Variants in SPECC1 observed in about 807,000 individuals in gnomAD.
The protein encoded by SPECC1 is cytospin-B.
In SPECC1, 62 loss-of-function variants were observed where a neutral mutation model predicts 104.1. The ratio of observed to expected loss-of-function variants is 0.60; its 90% CI spans 0.49 to 0.74. The LOEUF is 0.74. SPECC1 is among the 30% of genes least tolerant of loss of function. SPECC1 has a pLI of 0.00. For synonymous variants in SPECC1, 513 were observed against 501.6 expected (o/e 1.02, Z -0.30); for missense variants, 1,306 against 1,310.5 (o/e 1.00, Z 0.05).
chr17:20,283,664 T>A (rs2040850182), intron 12 of SPECC1, among the ~76,000 whole-genome samples: 1 of 152,032 alleles, frequency 6.6e-6, no homozygotes, highest in African/African-American at 2.4e-5. Context: ...TTGGCTCACC[T>A]CAACCTCTGC....
At chr17:20,049,802 CT>C in intron 1 of SPECC1, among the ~76,000 whole-genome samples, 1 of 151,736 alleles carries the variant, frequency 6.6e-6, no homozygotes, top group South Asian at 2.1e-4. Context: ...TCATTTTTTT[CT>C]TTTCTTTCTT....
chr17:20,014,524 A>G (rs562978654), intron 1 of SPECC1, among the ~76,000 whole-genome samples: 8 of 152,270 alleles, frequency 5.3e-5, no homozygotes, highest in South Asian at 2.1e-4. Flanking sequence ...GAACCCTTGC[A>G]TGTTTAAACA....
intron 3 of SPECC1, among the ~76,000 whole-genome samples, chr17:20,198,122 T>G (rs907915449): frequency 3.9e-5 from 6 of 152,212 alleles, no homozygotes; most frequent in African/African-American, 1.4e-4. Flanking sequence ...TACTTTTTTT[T>G]GTTCTGGCCA....
intron 3 of SPECC1, among the ~76,000 whole-genome samples, chr17:20,187,126 G>A (rs2035334957): frequency 6.6e-6 from 1 of 151,994 alleles, no homozygotes; most frequent in African/African-American, 2.4e-5. Context: ...ACTCCAATGA[G>A]TGTTTCCTTT....
At chr17:20,157,119 A>G (rs1196278951) in intron 3 of SPECC1, among the ~76,000 whole-genome samples, 1 of 152,196 alleles carries the variant, frequency 6.6e-6, no homozygotes, top group East Asian at 1.9e-4. Flanking sequence ...GACTTGTCCG[A>G]GTGACCTTTT....
Position 20,073,082 on chromosome 17 carries a change from G to GA in SPECC1, c.-21-23541dup, listed in dbSNP as rs978506324. Among the ~76,000 whole-genome samples, 46 of 151,788 alleles carry GA rather than the reference G, an allele frequency of 3.0e-4. No homozygotes were observed. The Middle Eastern group carries it at 0.01, about 34-fold the overall frequency. On this transcript the variant is annotated intron_variant, in intron 1 of 14. Coordinates refer to ENST00000395527, the MANE Select transcript of SPECC1 (RefSeq NM_001243439.2). ...AAGTATGAAAAGATTTATTTAGAAC[G>GA]AAAAAAAATTGCAACAAATTATTGG...
At chr17:20,200,120 G>T (rs552651716) in intron 3 of SPECC1, among the ~76,000 whole-genome samples, 1 of 152,172 alleles carries the variant, frequency 6.6e-6, no homozygotes, top group South Asian at 2.1e-4. Context: ...CTGATGATTA[G>T]TGCATTTTTT....
intron 3 of SPECC1, among the ~76,000 whole-genome samples, chr17:20,197,842 A>G (rs1159751122): frequency 6.6e-6 from 1 of 152,210 alleles, no homozygotes; most frequent in African/African-American, 2.4e-5. Context: ...GGAAAAAGAA[A>G]TTCATAGCAC....
At position 20,316,976 on chromosome 17, in the gene SPECC1, T is replaced by C. The variant is rs547567818; in HGVS notation, c.*2911T>C. 6 of 213,330 alleles carry C rather than the reference T, an allele frequency of 2.8e-5. 1 individual carries two copies. The Admixed American group carries it at 2.9e-4, about 10-fold the overall frequency. 13.2% of individuals were successfully genotyped at this position (213,330 alleles called of 1,614,324 possible). A position where few individuals can be genotyped will look rare whatever the true frequency, so the allele number is the denominator to read the frequency against. On this transcript the variant is annotated 3_prime_UTR_variant, in exon 15 of 15. Transcript: ENST00000395527. ...CATTTTTGTCTGTATCCTGCTCTCT[T>C]TAGGTTAAAAAGAAGGAAAGAAACA...
At chr17:20,118,134 TAAAG>T (rs1339509905) in intron 3 of SPECC1, among the ~76,000 whole-genome samples, 1 of 151,736 alleles carries the variant, frequency 6.6e-6, no homozygotes, top group Non-Finnish European at 1.5e-5. Context: ...AATAAATAAA[TAAAG>T]CAAAACAACA....
intron 12 of SPECC1, among the ~76,000 whole-genome samples, chr17:20,282,739 C>T (rs1321597175): frequency 6.6e-6 from 1 of 152,098 alleles, no homozygotes; most frequent in African/African-American, 2.4e-5. Context: ...GAGCATGGCC[C>T]CTGCAGCTCA....
At chr17:20,224,255 C>T (rs1372009251) in intron 4 of SPECC1, among the ~76,000 whole-genome samples, 2 of 152,206 alleles carry the variant, frequency 1.3e-5, no homozygotes, top group African/African-American at 2.4e-5. Context: ...TGATGCACTT[C>T]TGTGGCTACC....
intron 12 of SPECC1, among the ~76,000 whole-genome samples, chr17:20,264,457 A>ATTTTTTTTTT (rs10565315): frequency 3.6e-5 from 2 of 55,740 alleles, no homozygotes; most frequent in Non-Finnish European, 6.4e-5. Flanking sequence ...TTGGAGACGG[A>ATTTTTTTTTT]TTTTTTTTTT....
chr17:20,103,970 T>C (rs2048065207), intron 2 of SPECC1, among the ~76,000 whole-genome samples: 1 of 152,176 alleles, frequency 6.6e-6, no homozygotes. Flanking sequence ...CAGGACCCAT[T>C]GTTCACATTC....
At chr17:20,061,057 A>G (rs775718221) in intron 1 of SPECC1, among the ~76,000 whole-genome samples, 8 of 152,180 alleles carry the variant, frequency 5.3e-5, no homozygotes, top group African/African-American at 1.2e-4. Context: ...ATATGTGAAC[A>G]AAATTGTTTC....
Position 20,096,722 on chromosome 17 carries a change from C to G in SPECC1, c.71C>G (p.Pro24Arg), listed in dbSNP as rs1389283839. The G allele has an allele frequency of 1.3e-5, 21 of 1,614,240 alleles. No homozygotes were observed. The highest frequency in any genetic ancestry group is 1.7e-5 in the Non-Finnish European group (20 of 1,180,034). ...AGGHGPDRVR[P>R]LPAASSGMKS... is the part of the protein sequence containing the mutation. ...GGCCACGGCCCAGACCGGGTGCGGC[C>G]TCTGCCTGCAGCCTCTTCCGGCATG... Residue 24 changes from proline (P) to arginine (R), a missense_variant, in exon 2 of 15, where the codon CCT becomes CGT. By Grantham distance (103) the Pro-to-Arg change is moderately radical. Coordinates refer to ENST00000395527, the MANE Select transcript of SPECC1 (RefSeq NM_001243439.2).
chr17:20,099,523 A>AG (rs1279959225), intron 2 of SPECC1, among the ~76,000 whole-genome samples: 4 of 148,402 alleles, frequency 2.7e-5, no homozygotes, highest in African/African-American at 9.9e-5. Context: ...AAAAAAAAAA[A>AG]AAAAAAAAAA....
At chr17:20,045,158 A>AT (rs946571204) in intron 1 of SPECC1, among the ~76,000 whole-genome samples, 14 of 151,746 alleles carry the variant, frequency 9.2e-5, no homozygotes, top group South Asian at 2.1e-4. Flanking sequence ...CACACACTAG[A>AT]TTTTTTTTTC....
intron 3 of SPECC1, among the ~76,000 whole-genome samples, chr17:20,177,660 T>C (rs944732112): frequency 1.3e-5 from 2 of 152,250 alleles, no homozygotes; most frequent in African/African-American, 4.8e-5. Flanking sequence ...TATATTACCA[T>C]AATTTATTTA....
Sources: allele counts gnomAD v4.1 joint callset (sites outside exome capture counted in the v4.1 genomes callset), GRCh38; gene constraint gnomAD v4.1.1; transcripts MANE v1.5; gene names NCBI Gene and HGNC (gene_info 2026-07-23, HGNC 2026-07-21).